TMPRSS11A: variants seen among roughly 807,000 people sequenced by gnomAD.
The protein encoded by TMPRSS11A is transmembrane protease serine 11A.
Under a neutral mutation model 58.9 loss-of-function variants are expected in TMPRSS11A, and 53 were observed. The observed-to-expected ratio is 0.90, with a 90% confidence interval of 0.72 to 1.13. The LOEUF (loss-of-function observed/expected upper bound fraction) is 1.13, where lower values mean the gene tolerates loss of function less well. Ranked by LOEUF, TMPRSS11A falls within the 50% of genes most tolerant of loss-of-function variation. The probability of loss-of-function intolerance (pLI) is 0.00; values close to 1 mark genes in which losing one functional copy is unlikely to be tolerated. For synonymous variants in TMPRSS11A, 167 were observed against 169.8 expected (o/e 0.98, Z 0.13); for missense variants, 493 against 499.3 (o/e 0.99, Z 0.12).
intron 9 of TMPRSS11A, among the ~76,000 whole-genome samples, chr4:67,913,368 G>A (rs1371575603): frequency 1.3e-5 from 2 of 152,132 alleles, no homozygotes; most frequent in African/African-American, 4.8e-5. Context: ...CTCACCATGT[G>A]CCCCAATTAC....
intron 1 of TMPRSS11A, among the ~76,000 whole-genome samples, chr4:67,952,940 T>A (rs1721199184): frequency 6.6e-6 from 1 of 152,012 alleles, no homozygotes; most frequent in African/African-American, 2.4e-5. Context: ...CCAACCTTTT[T>A]GGCACCAGGG....
At chr4:67,963,077 C>T (rs1237526666) in intron 1 of TMPRSS11A, among the ~76,000 whole-genome samples, 3 of 152,202 alleles carry the variant, frequency 2.0e-5, no homozygotes, top group African/African-American at 7.2e-5. Flanking sequence ...TCCTTCCACA[C>T]ACACAAAAAA....
At chr4:67,960,783 T>C (rs1373268469) in intron 1 of TMPRSS11A, among the ~76,000 whole-genome samples, 1 of 152,136 alleles carries the variant, frequency 6.6e-6, no homozygotes. Context: ...CATGAAAGCA[T>C]ACAAAGGACC....
chr4:67,942,895 A>G (rs917842088), intron 3 of TMPRSS11A, among the ~76,000 whole-genome samples: 4 of 152,208 alleles, frequency 2.6e-5, no homozygotes, highest in Non-Finnish European at 5.9e-5. Flanking sequence ...AAAAGTTCTC[A>G]GTAAAAAGAG....
intron 1 of TMPRSS11A, among the ~76,000 whole-genome samples, chr4:67,952,863 G>A (rs1423579064): frequency 1.3e-5 from 2 of 152,170 alleles, no homozygotes; most frequent in Non-Finnish European, 2.9e-5. Context: ...GTGTTTCCAA[G>A]TAGTGGAGGG....
chr4:67,918,972 C>A lies in TMPRSS11A; in HGVS notation c.952+1G>T. ...TCTGTTAGCTATCCTGAGATACCCA[C>A]CACCATAGTAAAGTGCTCCAAATCC... is the stretch of plus-strand genomic sequence containing the variant. On this transcript the variant is annotated splice_donor_variant, in intron 8 of 9. Coordinates refer to ENST00000508048, the MANE Select transcript of TMPRSS11A (RefSeq NM_001114387.2). LOFTEE classifies it high-confidence loss of function. 6.2e-7 allele frequency: 1 copy of A among 1,614,082 alleles called. No homozygotes were observed. Among genetic ancestry groups the A allele is most frequent in the Non-Finnish European group, 8.5e-7 (1 of 1,179,974 alleles).
intron 1 of TMPRSS11A, among the ~76,000 whole-genome samples, chr4:67,952,744 G>T (rs1202637024): frequency 6.6e-6 from 1 of 152,144 alleles, no homozygotes; most frequent in Admixed American, 6.5e-5. Context: ...TTCTCTATAT[G>T]TTTTAATTCT....
At position 67,918,975 on chromosome 4, in the gene TMPRSS11A, C is replaced by T; in HGVS notation, c.950G>A (p.Gly317Asp). Residue 317 changes from glycine (G) to aspartate (D), a missense_variant and splice_region_variant, in exon 8 of 10, where the codon GGT becomes GAT. Coordinates refer to ENST00000508048, the MANE Select transcript of TMPRSS11A (RefSeq NM_001114387.2). The part of the protein sequence containing the change: ...HITGFGALYY[G>D]GESQNDLREA... ...GTTAGCTATCCTGAGATACCCACCA[C>T]CATAGTAAAGTGCTCCAAATCCTGT... is the stretch of plus-strand genomic sequence containing the variant. 8 of 1,614,070 alleles carry T rather than the reference C, an allele frequency of 5.0e-6. No homozygotes were observed. The highest frequency in any genetic ancestry group is 6.8e-6 in the Non-Finnish European group (8 of 1,179,980).
intron 4 of TMPRSS11A, among the ~76,000 whole-genome samples, chr4:67,931,185 G>A (rs1285765052): frequency 6.6e-6 from 1 of 152,004 alleles, no homozygotes; most frequent in African/African-American, 2.4e-5. Flanking sequence ...AGTATTGTAG[G>A]AATTACCCAA....
Position 67,911,113 on chromosome 4 carries a change from C to T in TMPRSS11A, c.*229G>A, listed in dbSNP as rs563282807. Reference sequence around the variant, plus strand: ...TCGTGATTTAAAGAGCTAAGTATCTCTACCGTATTTTTCAAGCCAGATCCA... The same window carrying T: ...TCGTGATTTAAAGAGCTAAGTATCTTTACCGTATTTTTCAAGCCAGATCCA... On this transcript the variant is annotated 3_prime_UTR_variant, in exon 10 of 10. Transcript: ENST00000508048. The T allele has an allele frequency of 1.1e-3, 429 of 394,648 alleles. 3 individuals carry two copies. The highest frequency in any genetic ancestry group is 8.1e-3 in the African/African-American group (406 of 49,960). 24.4% of individuals were successfully genotyped at this position (394,648 alleles called of 1,614,324 possible).
intron 1 of TMPRSS11A, among the ~76,000 whole-genome samples, chr4:67,955,780 T>C (rs530638142): frequency 3.3e-5 from 5 of 152,320 alleles, no homozygotes; most frequent in South Asian, 2.1e-4. Context: ...TCTACCCTCA[T>C]GCAATTCATG....
At chr4:67,957,972 C>T (rs1577874486) in intron 1 of TMPRSS11A, among the ~76,000 whole-genome samples, 1 of 152,218 alleles carries the variant, frequency 6.6e-6, no homozygotes, top group African/African-American at 2.4e-5. Flanking sequence ...AAGATGCAAG[C>T]CCCAAGCCTT....
At chr4:67,952,504 C>T (rs1215316296) in intron 1 of TMPRSS11A, among the ~76,000 whole-genome samples, 1 of 152,202 alleles carries the variant, frequency 6.6e-6, no homozygotes, top group Non-Finnish European at 1.5e-5. Flanking sequence ...ATTTTGCTTT[C>T]ATATCTCCTC....
intron 1 of TMPRSS11A, among the ~76,000 whole-genome samples, chr4:67,956,672 T>TG (rs1721298138): frequency 6.6e-6 from 1 of 152,242 alleles, no homozygotes; most frequent in Non-Finnish European, 1.5e-5. Flanking sequence ...AAATGGTAGC[T>TG]GTTGATGCAC....
chr4:67,961,866 T>A (rs1721437420), intron 1 of TMPRSS11A, among the ~76,000 whole-genome samples: 1 of 152,178 alleles, frequency 6.6e-6, no homozygotes, highest in Admixed American at 6.5e-5. Flanking sequence ...CATTGACCAC[T>A]GATTCTACCC....
intron 1 of TMPRSS11A, 138 bp downstream of exon 1, chr4:67,963,245 T>G: frequency 1.4e-6 from 1 of 727,208 alleles, no homozygotes; most frequent in Non-Finnish European, 2.2e-6. Flanking sequence ...GCTATGATAA[T>G]TCCAGAAATT....
chr4:67,940,686 G>A (rs1720859399), intron 3 of TMPRSS11A, among the ~76,000 whole-genome samples: 1 of 152,098 alleles, frequency 6.6e-6, no homozygotes. Context: ...CTGACTCACA[G>A]AGGATGCATA....
At chr4:67,929,707 A>T (rs540890467) in intron 5 of TMPRSS11A, among the ~76,000 whole-genome samples, 173 bp downstream of exon 5, 10 of 152,286 alleles carry the variant, frequency 6.6e-5, no homozygotes, top group Non-Finnish European at 1.3e-4. Context: ...CTAACTTCAG[A>T]CATGCTTACG....
chr4:67,952,905 GAA>G (rs1372879398), intron 1 of TMPRSS11A, among the ~76,000 whole-genome samples: 1 of 152,048 alleles, frequency 6.6e-6, no homozygotes, highest in Non-Finnish European at 1.5e-5. Flanking sequence ...GATAGATTTG[GAA>G]AAAATGGTTT....
Sources: allele counts gnomAD v4.1 joint callset (sites outside exome capture counted in the v4.1 genomes callset), GRCh38; gene constraint gnomAD v4.1.1; transcripts MANE v1.5; gene names NCBI Gene and HGNC (gene_info 2026-07-23, HGNC 2026-07-21).